LRRC4C: variants seen among roughly 807,000 people sequenced by gnomAD.
The protein encoded by LRRC4C is leucine rich repeat containing 4C, also known as leucine-rich repeat-containing protein 4C.
LRRC4C carries 5 observed loss-of-function variants against 33.6 expected under a neutral mutation model. The ratio of observed to expected loss-of-function variants is 0.15; its 90% CI spans 0.08 to 0.31. The LOEUF is 0.31. LRRC4C is among the 10% of genes least tolerant of loss of function. The pLI, the probability that LRRC4C is intolerant of heterozygous loss-of-function variation, is 1.00. For missense variants in LRRC4C, 560 were observed against 796.7 expected, an observed-to-expected ratio of 0.70 and a Z score of 3.58; for synonymous variants, 329 against 302.0, an observed-to-expected ratio of 1.09 and a Z score of -0.93.
At chr11:41,453,394 A>T (rs1044179968) in intron 1 of LRRC4C, among the ~76,000 whole-genome samples, 6 of 152,200 alleles carry the variant, frequency 3.9e-5, no homozygotes, top group Middle Eastern at 3.4e-3. Context: ...GGCCCCTTAG[A>T]GATACTAACA....
rs759970112 is a variant in LRRC4C at position 40,388,474 on chromosome 11, T to C, written c.-269-68753A>G. ...AAAATTTTGAAGACATTCTTCCTGA[T>C]AGCCCTTCCCAAACCTTACAAACTC... On this transcript the variant is annotated intron_variant, in intron 3 of 6. Transcript: ENST00000528697. Among the ~76,000 whole-genome samples the C allele has an allele frequency of 3.9e-4, 59 of 152,162 alleles. 2 individuals are homozygous for C. Among genetic ancestry groups the C allele is most frequent in the Non-Finnish European group, 7.3e-5 (5 of 68,032 alleles).
intron 3 of LRRC4C, among the ~76,000 whole-genome samples, chr11:40,395,986 A>G (rs530335069): frequency 6.6e-6 from 1 of 152,132 alleles, no homozygotes; most frequent in African/African-American, 2.4e-5. Flanking sequence ...ACTCTGTCAC[A>G]AAAAATTTAA....
chr11:40,792,254 A>T (rs1258681719), intron 2 of LRRC4C, among the ~76,000 whole-genome samples: 1 of 147,572 alleles, frequency 6.8e-6, no homozygotes, highest in African/African-American at 2.6e-5. Flanking sequence ...TCCAAGGAGT[A>T]AAAAAAAAAT....
chr11:40,286,990 C>T (rs1395430569), intron 4 of LRRC4C, among the ~76,000 whole-genome samples: 1 of 151,976 alleles, frequency 6.6e-6, no homozygotes, highest in Admixed American at 6.6e-5. Flanking sequence ...TTCCTAAGAA[C>T]AATAATTATA....
intron 1 of LRRC4C, among the ~76,000 whole-genome samples, chr11:41,269,291 T>G (rs967015268): frequency 1.6e-4 from 25 of 152,006 alleles, no homozygotes; most frequent in African/African-American, 6.0e-4. Context: ...ATTATTTATT[T>G]CCTCCTAAGG....
At chr11:41,294,895 A>T (rs887774486) in intron 1 of LRRC4C, among the ~76,000 whole-genome samples, 4 of 152,238 alleles carry the variant, frequency 2.6e-5, no homozygotes, top group Non-Finnish European at 5.9e-5. Context: ...AGTTCTGAGT[A>T]GGCTAAATAA....
intron 1 of LRRC4C, among the ~76,000 whole-genome samples, chr11:41,064,690 G>A (rs1485603545): frequency 6.6e-6 from 1 of 152,166 alleles, no homozygotes; most frequent in African/African-American, 2.4e-5. Flanking sequence ...CAATGCAGAA[G>A]GCGGGTGATT....
At chr11:41,368,422 A>T (rs922881243) in intron 1 of LRRC4C, among the ~76,000 whole-genome samples, 2 of 152,238 alleles carry the variant, frequency 1.3e-5, no homozygotes, top group South Asian at 4.1e-4. Flanking sequence ...CAGGACATCC[A>T]ACATCTCTTA....
intron 3 of LRRC4C, among the ~76,000 whole-genome samples, chr11:40,483,469 A>G (rs1953695978): frequency 6.6e-6 from 1 of 152,176 alleles, no homozygotes; most frequent in Non-Finnish European, 1.5e-5. Flanking sequence ...AAATAACACA[A>G]TCAATGGGAA....
chr11:41,112,329 T>G (rs1812214344), intron 1 of LRRC4C, among the ~76,000 whole-genome samples: 1 of 152,032 alleles, frequency 6.6e-6, no homozygotes, highest in Non-Finnish European at 1.5e-5. Context: ...CGGCAGAAAT[T>G]GGCATCTCCT....
At chr11:40,541,646 C>T (rs1463308616) in intron 3 of LRRC4C, among the ~76,000 whole-genome samples, 1 of 152,102 alleles carries the variant, frequency 6.6e-6, no homozygotes, top group Non-Finnish European at 1.5e-5. Context: ...AGCACATTCT[C>T]CATCCTCCTT....
At chr11:40,504,935 T>C (rs1020894898) in intron 3 of LRRC4C, among the ~76,000 whole-genome samples, 5 of 152,196 alleles carry the variant, frequency 3.3e-5, no homozygotes, top group African/African-American at 9.7e-5. Context: ...TGTAATCAAA[T>C]TTTACTTTTG....
chr11:41,373,838 A>C (rs1304516563), intron 1 of LRRC4C, among the ~76,000 whole-genome samples: 1 of 152,214 alleles, frequency 6.6e-6, no homozygotes, highest in Non-Finnish European at 1.5e-5. Context: ...TAAAAGTATA[A>C]ACATATTTGT....
At position 40,266,869 on chromosome 11, in the gene LRRC4C, C is replaced by CACTG. The variant is rs551777428; in HGVS notation, c.-175-25275_-175-25272dup. The stretch of plus-strand genomic sequence containing the variant: ...TATTCATGTTCGTTTCATTGCCTCA[C>CACTG]ACTGGTTGACATAAAATTCACTTCC... On this transcript the variant is annotated intron_variant, in intron 4 of 6. Coordinates refer to ENST00000528697, the MANE Select transcript of LRRC4C (RefSeq NM_001258419.2). 2.0e-3 allele frequency among the ~76,000 whole-genome samples: 303 copies of CACTG among 152,204 alleles called. 1 individual carries two copies. The highest frequency in any genetic ancestry group is 7.1e-3 in the African/African-American group (294 of 41,530).
intron 2 of LRRC4C, among the ~76,000 whole-genome samples, chr11:40,896,552 A>T (rs904833075): frequency 1.3e-4 from 18 of 140,540 alleles, no homozygotes; most frequent in Non-Finnish European, 2.2e-4. Context: ...TTTTTTTTTT[A>T]GATTTTATTT....
chr11:40,737,785 G>T (rs188411040), intron 2 of LRRC4C, among the ~76,000 whole-genome samples: 3 of 152,186 alleles, frequency 2.0e-5, no homozygotes, highest in Admixed American at 6.5e-5. Flanking sequence ...TGTGAAAATG[G>T]TCATACTGCC....
At chr11:40,137,433 T>C (rs1313715811) in intron 6 of LRRC4C, among the ~76,000 whole-genome samples, 1 of 152,154 alleles carries the variant, frequency 6.6e-6, no homozygotes, top group Non-Finnish European at 1.5e-5. Flanking sequence ...GCCTCATTTA[T>C]CCCTGAAATT....
intron 5 of LRRC4C, among the ~76,000 whole-genome samples, chr11:40,223,400 A>C (rs2135943940): frequency 6.6e-6 from 1 of 152,260 alleles, no homozygotes; most frequent in African/African-American, 2.4e-5. Context: ...ACAAAAAGAA[A>C]CATGTCAGGG....
chr11:41,282,629 T>C (rs1018576925), intron 1 of LRRC4C, among the ~76,000 whole-genome samples: 3 of 151,500 alleles, frequency 2.0e-5, no homozygotes, highest in African/African-American at 7.3e-5. Context: ...TGTGGATCGG[T>C]TTGCGTAGGA....
Sources: allele counts gnomAD v4.1 joint callset (sites outside exome capture counted in the v4.1 genomes callset), GRCh38; gene constraint gnomAD v4.1.1; transcripts MANE v1.5; gene names NCBI Gene and HGNC (gene_info 2026-07-23, HGNC 2026-07-21).